Variants in TNNT1 observed in about 807,000 individuals in gnomAD.
TNNT1 encodes troponin T, slow skeletal muscle.
In TNNT1, 53 loss-of-function variants were observed where a neutral mutation model predicts 50.6. That is an observed-to-expected ratio of 1.05 (90% CI 0.84 to 1.32). The LOEUF is 1.32. Ranked by LOEUF, TNNT1 falls within the 40% of genes most tolerant of loss-of-function variation. The probability of loss-of-function intolerance (pLI) is 0.00; values close to 1 mark genes in which losing one functional copy is unlikely to be tolerated. For missense variants in TNNT1, 348 were observed against 381.7 expected (o/e 0.91, Z 0.74); for synonymous variants, 142 against 138.0 (o/e 1.03, Z -0.20).
chr19:55,135,018 G>C (rs1416109671), intron 11 of TNNT1, among the ~76,000 whole-genome samples: 1 of 151,942 alleles, frequency 6.6e-6, no homozygotes, highest in Non-Finnish European at 1.5e-5. Context: ...TAAAACTGTG[G>C]AAGAGATGGC....
At chr19:55,145,144 A>G (rs1390670773) in intron 6 of TNNT1, among the ~76,000 whole-genome samples, 1 of 149,020 alleles carries the variant, frequency 6.7e-6, no homozygotes, top group Non-Finnish European at 1.5e-5. Context: ...AAGAAAAAAA[A>G]AAAAAAAAAC....
At chr19:55,135,763 T>C (rs2085336415) in intron 11 of TNNT1, among the ~76,000 whole-genome samples, 1 of 152,030 alleles carries the variant, frequency 6.6e-6, no homozygotes, top group Non-Finnish European at 1.5e-5. Flanking sequence ...TCAGGTGATC[T>C]GCCCGCCTCA....
intron 13 of TNNT1, chr19:55,133,636 C>T (rs1331521980): frequency 1.8e-6 from 1 of 567,918 alleles, no homozygotes; most frequent in East Asian, 3.0e-5. Context: ...TGAGATCACT[C>T]CACTGCACTC....
intron 6 of TNNT1, among the ~76,000 whole-genome samples, chr19:55,142,873 C>G (rs998261507): frequency 1.2e-4 from 18 of 150,750 alleles, no homozygotes; most frequent in Non-Finnish European, 2.2e-4. Flanking sequence ...GTAGAGATGG[C>G]GTTTCACAGC....
chr19:55,138,023 C>T lies in TNNT1; in HGVS notation c.439G>A (p.Asp147Asn). Residue 147 changes from aspartate (D) to asparagine (N), a missense_variant, in exon 10 of 14, where the codon GAT becomes AAT. Physicochemically the swap from Asp to Asn is conservative, Grantham distance 23 (BLOSUM62 1). Transcript: ENST00000588981. ...GACAGCACCTTCTTTTTCTTGGCAT[C>T]ATCCTCTGCCCGCTTCTTGGCCTCT... ...EEEAKKRAED[D>N]AKKKKVLSNM... 6.2e-7 allele frequency: 1 copy of T among 1,614,236 alleles called. No individual in the cohort carries two copies. The highest frequency in any genetic ancestry group is 1.1e-5 in the South Asian group (1 of 91,090).
At chr19:55,146,630 T>TGGCCCCC in intron 4 of TNNT1, 51 bp downstream of exon 4, 3 of 1,025,178 alleles carry the variant, frequency 2.9e-6, no homozygotes, top group Non-Finnish European at 4.2e-6. Context: ...GGGCCCAGCG[T>TGGCCCCC]CCCCGCCCCC....
At chr19:55,135,431 G>T (rs2085329969) in intron 11 of TNNT1, 3 of 249,288 alleles carry the variant, frequency 1.2e-5, no homozygotes, top group South Asian at 3.2e-5. Context: ...TTTTGATAGG[G>T]TCTCACTTTG....
At chr19:55,138,654 GT>G (rs1287965507) in intron 9 of TNNT1, among the ~76,000 whole-genome samples, 2 of 152,194 alleles carry the variant, frequency 1.3e-5, no homozygotes, top group East Asian at 3.9e-4. Context: ...TTTTCTGCAT[GT>G]CTCCACCCTG....
intron 10 of TNNT1, among the ~76,000 whole-genome samples, chr19:55,137,710 C>T (rs1307654657): frequency 7.5e-6 from 1 of 132,584 alleles, no homozygotes; most frequent in African/African-American, 3.3e-5. Flanking sequence ...CTCCCTCAGA[C>T]CCAGGCGTCC....
intron 5 of TNNT1, 102 bp downstream of exon 5, chr19:55,146,332 C>T (rs1311197058): frequency 1.6e-6 from 1 of 641,820 alleles, no homozygotes. Flanking sequence ...GTTATGGGGG[C>T]GGAGGGAGGG....
At chr19:55,145,718 G>C (rs1230805443) in intron 5 of TNNT1, among the ~76,000 whole-genome samples, 153 bp from the exon 6 acceptor site, 1 of 152,042 alleles carries the variant, frequency 6.6e-6, no homozygotes, top group Non-Finnish European at 1.5e-5. Flanking sequence ...GGGGGGATGG[G>C]GAGAAGAAAA....
At chr19:55,134,287 G>A (rs1368365683) in intron 11 of TNNT1, 83 bp from the exon 12 acceptor site, 6 of 1,344,038 alleles carry the variant, frequency 4.5e-6, no homozygotes, top group Non-Finnish European at 6.2e-6. Context: ...TGTGAGTTCA[G>A]CGTTGTCGGC....
chr19:55,140,048 A>T (rs1160739474), intron 9 of TNNT1, among the ~76,000 whole-genome samples: 2 of 151,818 alleles, frequency 1.3e-5, no homozygotes, highest in Non-Finnish European at 2.9e-5. Context: ...TGCTTGAACC[A>T]GGAGGCGGAG....
In TNNT1 at chr19:55,134,171, G is replaced by A. The variant is rs1265717493; in HGVS notation, c.645C>T (p.Pro215=). 3 of 1,591,652 alleles carry A rather than the reference G, an allele frequency of 1.9e-6. No individual in the cohort carries two copies. In the African/African-American group the frequency reaches 4.0e-5, roughly 21 times the overall value. ...GGGCTTTCTCCCTGGCAGGGCAGGA[G>A]GGCTGTGATGGAGGCAGCCAGGCAG... ...ARSAWLPPSQ[P]SCPAREKAQE... Residue 215 remains proline (P), a synonymous_variant, in exon 12 of 14, where the codon CCC becomes CCT. Transcript: ENST00000588981.
intron 11 of TNNT1, among the ~76,000 whole-genome samples, chr19:55,136,727 G>A (rs190476027): frequency 1.3e-5 from 2 of 152,244 alleles, no homozygotes; most frequent in East Asian, 1.9e-4. Context: ...CTATAGATGC[G>A]AGGGACTCAG....
At chr19:55,138,296 G>A (rs962330106) in intron 9 of TNNT1, among the ~76,000 whole-genome samples, 1 of 103,286 alleles carries the variant, frequency 9.7e-6, no homozygotes, top group Non-Finnish European at 1.9e-5. Context: ...TTTTTTTTTT[G>A]AGACGGACTC....
intron 9 of TNNT1, among the ~76,000 whole-genome samples, chr19:55,140,135 T>A (rs2085423863): frequency 1.4e-5 from 2 of 140,268 alleles, no homozygotes; most frequent in South Asian, 4.5e-4. Flanking sequence ...AAAAAAAAAA[T>A]TAAAATTAAA....
Position 55,133,715 on chromosome 19 carries a change from A to T in TNNT1, c.791+172T>A, listed in dbSNP as rs775664548. The T allele has an allele frequency of 2.2e-5, 16 of 729,020 alleles. No homozygotes were observed. In the African/African-American group the frequency reaches 2.7e-4, roughly 12 times the overall value. The allele number at this position is 729,020 out of a possible 1,614,324, so 45.2% of individuals were successfully genotyped here. A position where few individuals can be genotyped will look rare whatever the true frequency, so the allele number is the denominator to read the frequency against. Reference sequence around the variant, plus strand: ...AAAAAAGAAAGAAAAAGAAAAAGGAACTGAGACCCAGGATTCCGAGAGCAG... The same window carrying T: ...AAAAAAGAAAGAAAAAGAAAAAGGATCTGAGACCCAGGATTCCGAGAGCAG... On this transcript the variant is annotated intron_variant, in intron 13 of 13. Transcript: ENST00000588981.
chr19:55,146,630 T>TGCCCCCCCC, intron 4 of TNNT1, 51 bp downstream of exon 4: 2 of 1,025,182 alleles, frequency 2.0e-6, no homozygotes, highest in Non-Finnish European at 2.8e-6. Context: ...GGGCCCAGCG[T>TGCCCCCCCC]CCCCGCCCCC....
Sources: gnomAD v4.1 joint callset for allele counts (sites outside exome capture counted in the v4.1 genomes callset) on GRCh38, gnomAD v4.1.1 for gene constraint, MANE v1.5 for transcripts, NCBI Gene and HGNC (gene_info 2026-07-23, HGNC 2026-07-21) for gene names.